The following SERPINF1 variants were observed in gnomAD, a reference collection of about 807,000 sequenced individuals.
SERPINF1 encodes serpin family F member 1.
A neutral mutation model predicts 37.3 loss-of-function variants in SERPINF1; 29 were observed. That is an observed-to-expected ratio of 0.78 (90% CI 0.58 to 1.06). The LOEUF (loss-of-function observed/expected upper bound fraction) is 1.06, where lower values mean the gene tolerates loss of function less well. Ranked by LOEUF, SERPINF1 falls within the 50% of genes least tolerant of loss-of-function variation. The pLI, the probability that SERPINF1 is intolerant of heterozygous loss-of-function variation, is 0.00. For synonymous variants in SERPINF1, 281 were observed against 227.9 expected (o/e 1.23, Z -2.10); for missense variants, 553 against 532.2 (o/e 1.04, Z -0.38).
intron 1 of SERPINF1, among the ~76,000 whole-genome samples, chr17:1,763,131 AC>A (rs1176213849): frequency 6.6e-6 from 1 of 151,856 alleles, no homozygotes; most frequent in Non-Finnish European, 1.5e-5. Flanking sequence ...GCCAGAGAGG[AC>A]CCCTCAATCC....
chr17:1,766,816 G>A, intron 1 of SERPINF1, 87 bp from the exon 2 acceptor site: 1 of 1,316,340 alleles, frequency 7.6e-7, no homozygotes, highest in South Asian at 1.3e-5. Context: ...CCCAACCCCT[G>A]GGTCCTGGCT....
intron 3 of SERPINF1, 90 bp downstream of exon 3, chr17:1,770,140 A>C: frequency 1.4e-6 from 2 of 1,425,308 alleles, no homozygotes; most frequent in Non-Finnish European, 1.9e-6. Flanking sequence ...TTGACATTTC[A>C]GTTCAGCGAG....
Position 1,776,612 on chromosome 17 carries a change from A to G in SERPINF1, c.867A>G (p.Ile289Met). 5 of 1,614,068 alleles carry G rather than the reference A, an allele frequency of 3.1e-6. No individual in the cohort carries two copies. Among genetic ancestry groups the G allele is most frequent in the Non-Finnish European group, 4.2e-6 (5 of 1,180,030 alleles). The change falls in exon 7 of 8, where the codon ATA becomes ATG. Residue 289 changes from isoleucine to methionine, a missense_variant. By Grantham distance (10) the Ile-to-Met change is conservative. Transcript: ENST00000254722. ...AAGTGACCCAGAATTTGACCTTGATAGAGGAGAGCCTCACCTCCGAGTTCA... is the reference window on the plus strand; with the variant it reads ...AAGTGACCCAGAATTTGACCTTGATGGAGGAGAGCCTCACCTCCGAGTTCA... ...PLKVTQNLTL[I>M]EESLTSEFIH... is the part of the protein sequence containing the mutation.
In SERPINF1 at chr17:1,771,033, G is replaced by T. The variant is rs373858090; in HGVS notation, c.288G>T (p.Ala96=). Residue 96 remains alanine, a synonymous_variant, in exon 4 of 8, where the codon GCG becomes GCT. Coordinates refer to ENST00000254722, the MANE Select transcript of SERPINF1 (RefSeq NM_002615.7). ...ATALSALSLG[A]EQRTESIIHR... ...CCACATCCTTGTCTCTGGCAGGAGC[G>T]GAGCAGCGAACAGAATCCATCATTC... 12 of 1,613,838 alleles carry T rather than the reference G, an allele frequency of 7.4e-6. No homozygotes were observed. Among genetic ancestry groups the T allele is most frequent in the Non-Finnish European group, 1.0e-5 (12 of 1,179,938 alleles).
chr17:1,764,845 CTTTTTT>C (rs11483374), intron 1 of SERPINF1, among the ~76,000 whole-genome samples: 1 of 132,166 alleles, frequency 7.6e-6, no homozygotes, highest in Non-Finnish European at 1.6e-5. Flanking sequence ...TTTTTTTTTC[CTTTTTT>C]TTTTTTTTTT....
At chr17:1,772,416 CTTTTTA>C (rs1907804599) in intron 5 of SERPINF1, among the ~76,000 whole-genome samples, 1 of 151,910 alleles carries the variant, frequency 6.6e-6, no homozygotes, top group Non-Finnish European at 1.5e-5. Context: ...ACGCCCAGCC[CTTTTTA>C]TTTTTAAATT....
rs529001805 is a variant in SERPINF1, at chr17:1,777,386, G to A, written c.1197G>A (p.Arg399=). ...ACCAGCCTTTCATCTTCGTACTGAGGGACACAGACACAGGGGCCCTTCTCT... is the reference window on the plus strand; with the variant it reads ...ACCAGCCTTTCATCTTCGTACTGAGAGACACAGACACAGGGGCCCTTCTCT... ...HLNQPFIFVL[R]DTDTGALLFI... is the part of the protein sequence containing the mutation. Residue 399 remains arginine, a synonymous_variant, in exon 8 of 8, where the codon AGG becomes AGA. Coordinates refer to ENST00000254722, the MANE Select transcript of SERPINF1 (RefSeq NM_002615.7). The A allele has an allele frequency of 2.8e-5, 45 of 1,614,064 alleles. No individual in the cohort carries two copies. Among genetic ancestry groups the A allele is most frequent in the South Asian group, 8.8e-5 (8 of 91,066 alleles).
intron 7 of SERPINF1, 73 bp from the exon 8 acceptor site, chr17:1,777,114 T>C (rs924537812): frequency 4.3e-6 from 7 of 1,611,230 alleles, no homozygotes; most frequent in African/African-American, 1.3e-5. Flanking sequence ...CCCAGCTTGC[T>C]TGCAAAGGGA....
chr17:1,775,033 G>A (rs778565936), intron 5 of SERPINF1, 25 bp from the exon 6 acceptor site: 1 of 1,614,074 alleles, frequency 6.2e-7, no homozygotes, highest in Non-Finnish European at 8.5e-7. Flanking sequence ...CTGGGGCTCA[G>A]ACTATGTCAT....
At chr17:1,770,964 G>C (rs556773160) in intron 3 of SERPINF1, 65 bp from the exon 4 acceptor site, 15 of 1,600,440 alleles carry the variant, frequency 9.4e-6, no homozygotes, top group Non-Finnish European at 1.3e-5. Context: ...TCTGTGTTCT[G>C]GGAGGGGGCT....
At chr17:1,773,750 T>C (rs943691869) in intron 5 of SERPINF1, among the ~76,000 whole-genome samples, 2 of 152,158 alleles carry the variant, frequency 1.3e-5, no homozygotes, top group African/African-American at 2.4e-5. Context: ...ACGACATCCT[T>C]CTAGGCTGTG....
intron 3 of SERPINF1, among the ~76,000 whole-genome samples, chr17:1,770,373 C>G (rs1396595213): frequency 6.6e-6 from 1 of 152,016 alleles, no homozygotes; most frequent in African/African-American, 2.4e-5. Context: ...TAACTGCAAA[C>G]AAGCAGGTGT....
intron 5 of SERPINF1, among the ~76,000 whole-genome samples, chr17:1,772,640 G>T (rs984972226): frequency 4.6e-5 from 7 of 151,398 alleles, no homozygotes; most frequent in African/African-American, 1.7e-4. Flanking sequence ...CTCACTGCAA[G>T]CTCTGCCTTC....
At chr17:1,766,785 G>A in intron 1 of SERPINF1, 118 bp from the exon 2 acceptor site, 4 of 938,204 alleles carry the variant, frequency 4.3e-6, no homozygotes, top group Non-Finnish European at 6.7e-6. Context: ...TGCAGGGGGT[G>A]GGGGAAAGTG....
In SERPINF1 at chr17:1,771,907, G is replaced by GA; in HGVS notation, c.479dup (p.Ser161ValfsTer42). ...AAAATCCAGCTTTGTGGCACCTCTG[G>GA]AAAAGTCATATGGGACCAGGCCCAG... On this transcript the variant is annotated frameshift_variant, in exon 5 of 8. Transcript: ENST00000254722. LOFTEE classifies it high-confidence loss of function. The GA allele has an allele frequency of 6.2e-7, 1 of 1,613,798 alleles. No homozygotes were observed. Among genetic ancestry groups the GA allele is most frequent in the South Asian group, 1.1e-5 (1 of 91,076 alleles).
intron 6 of SERPINF1, among the ~76,000 whole-genome samples, chr17:1,776,128 G>A (rs887357664): frequency 6.6e-6 from 1 of 152,000 alleles, no homozygotes; most frequent in Non-Finnish European, 1.5e-5. Flanking sequence ...GCCCTCTTAC[G>A]GCCCCTTCGG....
intron 3 of SERPINF1, chr17:1,770,483 G>A (rs1224276183): frequency 3.1e-5 from 6 of 192,914 alleles, no homozygotes; most frequent in Admixed American, 2.2e-4. Context: ...TTTCTGAGAC[G>A]GAGTCTCGCT....
chr17:1,774,203 T>G (rs956331073), intron 5 of SERPINF1, among the ~76,000 whole-genome samples: 3 of 152,090 alleles, frequency 2.0e-5, no homozygotes, highest in South Asian at 4.1e-4. Flanking sequence ...CTTTTCTTTC[T>G]TTTGTTTTTG....
chr17:1,764,381 G>A (rs575179321), intron 1 of SERPINF1, among the ~76,000 whole-genome samples: 14 of 152,324 alleles, frequency 9.2e-5, no homozygotes, highest in African/African-American at 2.9e-4. Context: ...GGCCCCAGCC[G>A]GGTGGAGACC....
Sources: allele counts gnomAD v4.1 joint callset (sites outside exome capture counted in the v4.1 genomes callset), GRCh38; gene constraint gnomAD v4.1.1; transcripts MANE v1.5; gene names NCBI Gene and HGNC (gene_info 2026-07-23, HGNC 2026-07-21).